Variants in FAM184B observed in about 807,000 individuals in gnomAD.
FAM184B encodes the protein protein FAM184B.
A neutral mutation model predicts 135.9 loss-of-function variants in FAM184B; 111 were observed. That is an observed-to-expected ratio of 0.82 (90% confidence interval 0.70 to 0.96). The LOEUF is 0.96. Among genes scored for constraint, FAM184B ranks in the 40% least tolerant of loss-of-function variants. The pLI, the probability that FAM184B is intolerant of heterozygous loss-of-function variation, is 0.00. For missense variants in FAM184B, 1,375 were observed against 1,323.9 expected (o/e 1.04, Z -0.60); for synonymous variants, 552 against 524.8 (o/e 1.05, Z -0.71).
chr4:17,707,061 T>G (rs534728464), intron 3 of FAM184B, among the ~76,000 whole-genome samples: 1 of 152,266 alleles, frequency 6.6e-6, no homozygotes, highest in African/African-American at 2.4e-5. Flanking sequence ...GTGCTGGGAT[T>G]ATAAGCATGA....
intron 1 of FAM184B, among the ~76,000 whole-genome samples, chr4:17,776,573 G>T (rs977954275): frequency 6.6e-6 from 1 of 152,044 alleles, no homozygotes; most frequent in African/African-American, 2.4e-5. Flanking sequence ...CGTATTTTTA[G>T]TAGAGATGGG....
At chr4:17,669,228 G>A (rs1195813851) in intron 7 of FAM184B, among the ~76,000 whole-genome samples, 3 of 152,154 alleles carry the variant, frequency 2.0e-5, no homozygotes. Flanking sequence ...GTGAACCAGA[G>A]GCTAAAAGGT....
intron 1 of FAM184B, among the ~76,000 whole-genome samples, chr4:17,774,816 T>A (rs1718889834): frequency 6.6e-6 from 1 of 152,170 alleles, no homozygotes. Context: ...ATCCACATAC[T>A]CTTTTACTCA....
chr4:17,639,678 A>C (rs1227633691), intron 13 of FAM184B, among the ~76,000 whole-genome samples: 1 of 152,236 alleles, frequency 6.6e-6, no homozygotes, highest in East Asian at 1.9e-4. Flanking sequence ...GCAGCCCTGC[A>C]GGGGAGCCCC....
chr4:17,712,269 G>A (rs1386802783), intron 1 of FAM184B, among the ~76,000 whole-genome samples: 1 of 152,188 alleles, frequency 6.6e-6, no homozygotes, highest in Non-Finnish European at 1.5e-5. Flanking sequence ...ATGTGACTGA[G>A]GCCAAGTAGA....
intron 1 of FAM184B, among the ~76,000 whole-genome samples, chr4:17,746,913 C>T (rs1264353354): frequency 6.6e-6 from 1 of 151,634 alleles, no homozygotes; most frequent in Admixed American, 6.6e-5. Flanking sequence ...TGGTGCACAC[C>T]TGTAATCCCA....
At chr4:17,704,172 C>A (rs560532479) in intron 5 of FAM184B, among the ~76,000 whole-genome samples, 8 of 152,330 alleles carry the variant, frequency 5.3e-5, no homozygotes, top group Non-Finnish European at 5.9e-5. Context: ...ACTGCAGAAT[C>A]TTGGGCTATA....
rs112897511 is a variant in FAM184B, at chr4:17,744,463, A to T, written c.142-34819T>A. On this transcript the variant is annotated intron_variant, in intron 1 of 17. Coordinates refer to ENST00000265018, the MANE Select transcript of FAM184B (RefSeq NM_015688.2). The stretch of plus-strand genomic sequence containing the variant: ...GAGTCACTCATTCTCTCTCTCTCTC[A>T]CACACACACACACACACACACACAC... 4.1e-3 allele frequency among the ~76,000 whole-genome samples: 565 copies of T among 136,576 alleles called. 2 individuals carry two copies. The highest frequency in any genetic ancestry group is 0.017 in the African/African-American group (542 of 32,626). The allele number at this position is 136,576 out of a possible 152,430, so 89.6% of individuals were successfully genotyped here.
chr4:17,643,999 G>C (rs1715395440), intron 12 of FAM184B, among the ~76,000 whole-genome samples: 1 of 152,242 alleles, frequency 6.6e-6, no homozygotes, highest in Non-Finnish European at 1.5e-5. Flanking sequence ...GGATCTCAGA[G>C]CCAGAGGGGG....
At chr4:17,666,384 A>C (rs1319130907) in intron 7 of FAM184B, among the ~76,000 whole-genome samples, 2 of 146,500 alleles carry the variant, frequency 1.4e-5, no homozygotes, top group Non-Finnish European at 3.0e-5. Flanking sequence ...GCTCACTGCA[A>C]CCTCTGTCTC....
rs559206403 is a variant in FAM184B at position 17,766,942 on chromosome 4, G to A, written c.141+14217C>T. ...AGGCATGGTGGGCAGCAGGTCCCGA[G>A]CCCTGCCCCGCGGGGAGGCACCTGA... On this transcript the variant is annotated intron_variant, in intron 1 of 17. Coordinates refer to ENST00000265018, the MANE Select transcript of FAM184B (RefSeq NM_015688.2). 2.2e-3 allele frequency among the ~76,000 whole-genome samples: 337 copies of A among 152,318 alleles called. 3 individuals are homozygous for A. Among genetic ancestry groups the A allele is most frequent in the African/African-American group, 7.8e-3 (323 of 41,576 alleles).
At chr4:17,670,530 G>C (rs941827044) in intron 7 of FAM184B, among the ~76,000 whole-genome samples, 1 of 152,164 alleles carries the variant, frequency 6.6e-6, no homozygotes, top group Non-Finnish European at 1.5e-5. Context: ...CCACTTTATT[G>C]ACCATGGCTA....
intron 1 of FAM184B, among the ~76,000 whole-genome samples, chr4:17,758,439 A>T (rs1718467694): frequency 6.6e-6 from 1 of 152,234 alleles, no homozygotes; most frequent in Admixed American, 6.5e-5. Flanking sequence ...TAACTAACTG[A>T]CTGCCTACCT....
intron 14 of FAM184B, among the ~76,000 whole-genome samples, chr4:17,638,784 G>GAACATA (rs1715223261): frequency 6.6e-6 from 1 of 151,936 alleles, no homozygotes; most frequent in African/African-American, 2.4e-5. Flanking sequence ...GCAGAAAAGG[G>GAACATA]GAACATAGCC....
Position 17,658,391 on chromosome 4 carries a change from C to G in FAM184B, c.1996G>C (p.Ala666Pro). Reference protein sequence around the residue: ...KAQLEASHQRALRMLEKARHQ... With the variant: ...KAQLEASHQRPLRMLEKARHQ... ...CTGGCCTTCTCCAGCATGCGCAGGG[C>G]TCTCTGGTGGGAAGCCTCGAGCTGG... The change falls in exon 10 of 18, where the codon GCC becomes CCC. Residue 666 changes from alanine to proline, a missense_variant. By Grantham distance (27) the Ala-to-Pro change is conservative (BLOSUM62 -1). Coordinates refer to ENST00000265018, the MANE Select transcript of FAM184B (RefSeq NM_015688.2). 1.9e-6 allele frequency: 3 copies of G among 1,551,668 alleles called. No individual in the cohort carries two copies. The highest frequency in any genetic ancestry group is 2.6e-6 in the Non-Finnish European group (3 of 1,146,998).
Position 17,630,637 on chromosome 4 carries a change from A to ATATT in FAM184B, c.*1891_*1894dup, listed in dbSNP as rs761394735. The ATATT allele has an allele frequency of 3.3e-5, 5 of 152,232 alleles. No homozygotes were observed. Among genetic ancestry groups the ATATT allele is most frequent in the Non-Finnish European group, 7.3e-5 (5 of 68,050 alleles). The allele number at this position is 152,232 out of a possible 1,614,324, so 9.4% of individuals were successfully genotyped here. On this transcript the variant is annotated 3_prime_UTR_variant, in exon 18 of 18. Transcript: ENST00000265018. ...ACTCTAAGCGGGAAACTCACAAAAAATATTTGGTAGTGAAAAACAGTATGG... is the reference window on the plus strand; with the variant it reads ...ACTCTAAGCGGGAAACTCACAAAAAATATTTATTTGGTAGTGAAAAACAGTATGG...
intron 12 of FAM184B, among the ~76,000 whole-genome samples, chr4:17,645,772 C>T (rs1213010898): frequency 6.6e-6 from 1 of 151,782 alleles, no homozygotes; most frequent in Non-Finnish European, 1.5e-5. Context: ...AAAGAAACTA[C>T]CATCAGAGTG....
At position 17,775,219 on chromosome 4, in the gene FAM184B, T is replaced by G. The variant is rs190657046; in HGVS notation, c.141+5940A>C. On this transcript the variant is annotated intron_variant, in intron 1 of 17. Coordinates refer to ENST00000265018, the MANE Select transcript of FAM184B (RefSeq NM_015688.2). Reference sequence around the variant, plus strand: ...TTTTATTTTTGAAATGGAGTCTTGCTCTGTTGCCCAGGCTGGAGTGTAGTG... The same window carrying G: ...TTTTATTTTTGAAATGGAGTCTTGCGCTGTTGCCCAGGCTGGAGTGTAGTG... Among the ~76,000 whole-genome samples the G allele has an allele frequency of 5.7e-4, 86 of 152,068 alleles. 1 individual carries two copies. In the East Asian group the frequency reaches 0.013, roughly 24 times the overall value.
chr4:17,654,264 A>AGAT (rs1264260203), intron 10 of FAM184B, among the ~76,000 whole-genome samples: 3 of 151,506 alleles, frequency 2.0e-5, no homozygotes, highest in African/African-American at 7.3e-5. Flanking sequence ...AGGAAATGAG[A>AGAT]GATGGGCATT....
Sources: gnomAD v4.1 joint callset for allele counts (sites outside exome capture counted in the v4.1 genomes callset) on GRCh38, gnomAD v4.1.1 for gene constraint, MANE v1.5 for transcripts, NCBI Gene and HGNC (gene_info 2026-07-23, HGNC 2026-07-21) for gene names.